Variants in PIK3C3 observed in about 807,000 individuals in gnomAD.
PIK3C3 encodes phosphatidylinositol 3-kinase catalytic subunit type 3, also known as PI3-kinase type 3.
Under a neutral mutation model 126.1 loss-of-function variants are expected in PIK3C3, and 95 were observed. The ratio of observed to expected loss-of-function variants is 0.75; its 90% CI spans 0.64 to 0.89. The LOEUF is 0.89. Among genes scored for constraint, PIK3C3 ranks in the 40% least tolerant of loss-of-function variants. The pLI is 0.00. For synonymous variants in PIK3C3, 374 were observed against 360.0 expected (o/e 1.04, Z -0.44); for missense variants, 829 against 1,063.2 (o/e 0.78, Z 3.06).
In PIK3C3 at chr18:42,045,270, A is replaced by G. The variant is rs118077344; in HGVS notation, c.2188+1453A>G. Among the ~76,000 whole-genome samples, 403 of 151,084 alleles carry G rather than the reference A, an allele frequency of 2.7e-3. 2 individuals are homozygous for G. Among genetic ancestry groups the G allele is most frequent in the Non-Finnish European group, 4.0e-3 (270 of 68,024 alleles). On this transcript the variant is annotated intron_variant, in intron 20 of 24. Coordinates refer to ENST00000262039, the MANE Select transcript of PIK3C3 (RefSeq NM_002647.4). ...TTAAAAACACTGAAGATTTTGAGAG[A>G]AAATGTTTACCCTTGTCCTCTTACT... is the stretch of plus-strand genomic sequence containing the variant.
At chr18:42,022,899 T>C (rs894547038) in intron 13 of PIK3C3, among the ~76,000 whole-genome samples, 4 of 152,184 alleles carry the variant, frequency 2.6e-5, no homozygotes, top group Admixed American at 2.6e-4. Flanking sequence ...ATGTTCTCTG[T>C]GTTCCAATCT....
rs1325984873 is a variant in PIK3C3 at position 42,020,703 on chromosome 18, C to T, written c.1482C>T (p.Tyr494=). The part of the protein sequence containing the change: ...CKNSTLANYL[Y]WYVIVECEDQ... ...ACTCAACACTGGCTAATTATTTATACTGGTATGTAAAAATAATTTTCTGTT... is the reference window on the plus strand; with the variant it reads ...ACTCAACACTGGCTAATTATTTATATTGGTATGTAAAAATAATTTTCTGTT... The change falls in exon 13 of 25, where the codon TAC becomes TAT. Residue 494 remains tyrosine (Y), a splice_region_variant and synonymous_variant. Coordinates refer to ENST00000262039, the MANE Select transcript of PIK3C3 (RefSeq NM_002647.4). The T allele has an allele frequency of 3.9e-6, 6 of 1,549,194 alleles. No homozygotes were observed. Among genetic ancestry groups the T allele is most frequent in the Non-Finnish European group, 5.3e-6 (6 of 1,123,776 alleles).
chr18:41,978,397 A>G (rs1056612098), intron 4 of PIK3C3, among the ~76,000 whole-genome samples: 9 of 152,224 alleles, frequency 5.9e-5, no homozygotes, highest in Admixed American at 2.0e-4. Flanking sequence ...AGTTAGGGAT[A>G]TGTCAGTTCT....
At chr18:42,036,660 A>G (rs1984067811) in intron 16 of PIK3C3, among the ~76,000 whole-genome samples, 1 of 151,962 alleles carries the variant, frequency 6.6e-6, no homozygotes, top group African/African-American at 2.4e-5. Context: ...ATTTAAACAT[A>G]TACCTAAACT....
At chr18:42,037,646 G>A (rs770567576) in intron 16 of PIK3C3, 46 bp from the exon 17 acceptor site, 2 of 1,539,136 alleles carry the variant, frequency 1.3e-6, no homozygotes, top group East Asian at 2.3e-5. Context: ...ACAATTTTAT[G>A]CATTAATTCA....
intron 16 of PIK3C3, among the ~76,000 whole-genome samples, chr18:42,036,471 C>T (rs1366557692): frequency 6.7e-6 from 1 of 150,128 alleles, no homozygotes; most frequent in East Asian, 2.0e-4. Flanking sequence ...ATATATTTCT[C>T]CAAATTTTTG....
At chr18:41,964,554 T>C (rs1016411474) in intron 3 of PIK3C3, among the ~76,000 whole-genome samples, 1 of 152,118 alleles carries the variant, frequency 6.6e-6, no homozygotes, top group African/African-American at 2.4e-5. Flanking sequence ...AATATTATAA[T>C]GACCTTAATA....
intron 24 of PIK3C3, among the ~76,000 whole-genome samples, chr18:42,076,121 TGC>T (rs1491578716): frequency 0.079 from 4,314 of 54,874 alleles, 380 homozygotes; most frequent in African/African-American, 0.2. Context: ...TATATATATA[TGC>T]GCATATATAT....
At chr18:42,026,924 A>G (rs758385238) in intron 13 of PIK3C3, 1 of 152,282 alleles carries the variant, frequency 6.6e-6, no homozygotes, top group Non-Finnish European at 1.5e-5. Context: ...GTTAAAGATT[A>G]TGTATGGATC....
intron 10 of PIK3C3, among the ~76,000 whole-genome samples, chr18:42,005,703 C>G (rs955768544): frequency 6.6e-6 from 1 of 152,082 alleles, no homozygotes; most frequent in African/African-American, 2.4e-5. Context: ...AGGGAGGGGA[C>G]AGTGAGATCA....
chr18:42,060,499 G>A (rs538202000), intron 22 of PIK3C3, among the ~76,000 whole-genome samples: 9 of 152,112 alleles, frequency 5.9e-5, no homozygotes, highest in Admixed American at 2.6e-4. Flanking sequence ...AGCTGGGCAC[G>A]GTGACTCACT....
chr18:41,990,929 G>A (rs182122548), intron 6 of PIK3C3, among the ~76,000 whole-genome samples: 122 of 152,250 alleles, frequency 8.0e-4, no homozygotes, highest in African/African-American at 2.6e-3. Context: ...TGAAAGTTAA[G>A]AGTCTGTTTG....
chr18:41,958,487 C>G (rs989495792), intron 2 of PIK3C3, among the ~76,000 whole-genome samples: 2 of 152,160 alleles, frequency 1.3e-5, no homozygotes, highest in African/African-American at 2.4e-5. Flanking sequence ...GACAGCCAGA[C>G]TGTGCCATAG....
chr18:42,015,330 TG>T, intron 11 of PIK3C3, 145 bp from the exon 12 acceptor site: 1 of 612,110 alleles, frequency 1.6e-6, no homozygotes, highest in Non-Finnish European at 2.9e-6. Context: ...CAGAGTACAA[TG>T]TGACTCTAGT....
intron 19 of PIK3C3, among the ~76,000 whole-genome samples, chr18:42,042,617 A>T (rs921968350): frequency 1.3e-5 from 2 of 152,324 alleles, no homozygotes; most frequent in Admixed American, 6.5e-5. Context: ...TTCATTACTT[A>T]CATTGTTTTG....
At chr18:42,040,131 T>C (rs981263414) in intron 18 of PIK3C3, among the ~76,000 whole-genome samples, 5 of 151,120 alleles carry the variant, frequency 3.3e-5, no homozygotes, top group Non-Finnish European at 5.9e-5. Flanking sequence ...TTTCTCCTTC[T>C]TCCACATACT....
intron 16 of PIK3C3, among the ~76,000 whole-genome samples, chr18:42,035,212 G>C (rs990196319): frequency 1.3e-5 from 2 of 152,038 alleles, no homozygotes; most frequent in Non-Finnish European, 2.9e-5. Flanking sequence ...AATGTAAAAA[G>C]CTATGCACAA....
chr18:42,045,206 ATTTG>A (rs1286369101), intron 20 of PIK3C3, among the ~76,000 whole-genome samples: 2 of 152,310 alleles, frequency 1.3e-5, no homozygotes, highest in East Asian at 1.9e-4. Context: ...ATGTAACTGA[ATTTG>A]TTTGTAAACG....
chr18:41,965,905 G>A (rs1980337323), intron 3 of PIK3C3, among the ~76,000 whole-genome samples: 1 of 152,254 alleles, frequency 6.6e-6, no homozygotes, highest in Admixed American at 6.5e-5. Flanking sequence ...CAATAAGTGA[G>A]TGGTTACTTA....
Sources: allele counts gnomAD v4.1 joint callset (sites outside exome capture counted in the v4.1 genomes callset), GRCh38; gene constraint gnomAD v4.1.1; transcripts MANE v1.5; gene names NCBI Gene and HGNC (gene_info 2026-07-23, HGNC 2026-07-21).